Variants in BCL9 observed in about 807,000 individuals in gnomAD.
BCL9 encodes the protein B-cell CLL/lymphoma 9 protein.
A neutral mutation model predicts 88.5 loss-of-function variants in BCL9; 25 were observed. That is an observed-to-expected ratio of 0.28 (90% CI 0.21 to 0.39). The LOEUF (loss-of-function observed/expected upper bound fraction) is 0.39, where lower values mean the gene tolerates loss of function less well. Ranked by LOEUF, BCL9 falls within the 10% of genes least tolerant of loss-of-function variation. The pLI is 1.00. For missense variants in BCL9, 1,817 were observed against 1,877.8 expected, an observed-to-expected ratio of 0.97 and a Z score of 0.60; for synonymous variants, 711 against 673.3, an observed-to-expected ratio of 1.06 and a Z score of -0.87.
Position 147,611,903 on chromosome 1 carries a change from T to A in BCL9, c.53+14T>A, listed in dbSNP as rs1658023226. 6.2e-7 allele frequency: 1 copy of A among 1,612,908 alleles called. No individual in the cohort carries two copies. The highest frequency in any genetic ancestry group is 1.3e-5 in the African/African-American group (1 of 74,924). On this transcript the variant is annotated intron_variant, in intron 4 of 9. Coordinates refer to ENST00000234739, the MANE Select transcript of BCL9 (RefSeq NM_004326.4). ...AAACACACAGAGGTAAGGGCTGGGC[T>A]GGGGCCTCTTCCTGCAGCCCCTTGG...
intron 1 of BCL9, among the ~76,000 whole-genome samples, chr1:147,555,157 C>T (rs1368629612): frequency 6.6e-6 from 1 of 152,052 alleles, no homozygotes; most frequent in Non-Finnish European, 1.5e-5. Flanking sequence ...ATGCAGACCC[C>T]GAGACATAGA....
chr1:147,572,642 C>G (rs587598250), intron 1 of BCL9, among the ~76,000 whole-genome samples: 1 of 152,338 alleles, frequency 6.6e-6, no homozygotes, highest in Non-Finnish European at 1.5e-5. Flanking sequence ...TGCAGTGGCA[C>G]GATATTGGCT....
intron 6 of BCL9, 118 bp downstream of exon 6, chr1:147,614,734 A>G: frequency 8.6e-7 from 1 of 1,156,284 alleles, no homozygotes; most frequent in Non-Finnish European, 1.2e-6. Flanking sequence ...GATAAAACAT[A>G]AAACCTCCCC....
chr1:147,614,464 C>T lies in BCL9; in HGVS notation c.408C>T (p.Ser136=). ...CTGACCACATAAAGTCCCAGGATTC[C>T]CAGCACACACCACACTCGATGACCC... ...NSADHIKSQD[S]QHTPHSMTPS... is the part of the protein sequence containing the mutation. The change falls in exon 6 of 10, where the codon TCC becomes TCT. Residue 136 remains serine (S), a synonymous_variant. Transcript: ENST00000234739. 6.2e-7 allele frequency: 1 copy of T among 1,613,966 alleles called. No homozygotes were observed. The highest frequency in any genetic ancestry group is 8.5e-7 in the Non-Finnish European group (1 of 1,179,988).
intron 1 of BCL9, among the ~76,000 whole-genome samples, chr1:147,549,225 C>T (rs1298346798): frequency 1.3e-5 from 2 of 152,110 alleles, no homozygotes; most frequent in Non-Finnish European, 2.9e-5. Flanking sequence ...GATCCACCCA[C>T]CTCAACCTCC....
At chr1:147,593,522 C>G (rs1258952609) in intron 1 of BCL9, among the ~76,000 whole-genome samples, 1 of 152,166 alleles carries the variant, frequency 6.6e-6, no homozygotes, top group African/African-American at 2.4e-5. Flanking sequence ...TATTATGCCA[C>G]TTATTATAAG....
chr1:147,580,062 G>A (rs1247698543), intron 1 of BCL9, among the ~76,000 whole-genome samples: 6 of 152,092 alleles, frequency 3.9e-5, no homozygotes, highest in African/African-American at 9.7e-5. Flanking sequence ...TTGCCTAAGC[G>A]ATGTACAACA....
chr1:147,541,737 G>A lies in BCL9; in HGVS notation c.-478+63G>A, dbSNP rs56167708. The A allele has an allele frequency of 7.7e-3, 1,178 of 152,200 alleles. 13 individuals carry two copies. Among genetic ancestry groups the A allele is most frequent in the East Asian group, 0.063 (320 of 5,114 alleles). 9.4% of individuals were successfully genotyped at this position (152,200 alleles called of 1,614,324 possible). A position where few individuals can be genotyped will look rare whatever the true frequency, so the allele number is the denominator to read the frequency against. ...TGTTCGCCTGTGCCTGGAAGTGGGG[G>A]TCTCATTCCTGCGCTGCTCTGGAGG... On this transcript the variant is annotated intron_variant, in intron 1 of 9. Coordinates refer to ENST00000234739, the MANE Select transcript of BCL9 (RefSeq NM_004326.4).
At chr1:147,573,296 CA>C (rs1232595759) in intron 1 of BCL9, among the ~76,000 whole-genome samples, 2 of 152,024 alleles carry the variant, frequency 1.3e-5, no homozygotes, top group Non-Finnish European at 2.9e-5. Context: ...ACTAAAAATA[CA>C]AAAAAATTAC....
In BCL9 at chr1:147,614,506, C is replaced by A; in HGVS notation, c.450C>A (p.Ala150=). 1 of 1,613,974 alleles carries A rather than the reference C, an allele frequency of 6.2e-7. No individual in the cohort carries two copies. The highest frequency in any genetic ancestry group is 8.5e-7 in the Non-Finnish European group (1 of 1,179,960). Residue 150 remains alanine, a synonymous_variant, in exon 6 of 10, where the codon GCC becomes GCA. Transcript: ENST00000234739. ...CGATGACCCCATCAAATGCTACAGC[C>A]CCCAGGTCTTCTACCCCCTCCCATG... ...PHSMTPSNAT[A]PRSSTPSHGQ... is the part of the protein sequence containing the mutation.
At chr1:147,548,056 G>A (rs1467941736) in intron 1 of BCL9, among the ~76,000 whole-genome samples, 1 of 152,054 alleles carries the variant, frequency 6.6e-6, no homozygotes, top group Non-Finnish European at 1.5e-5. Flanking sequence ...ACCACTAATG[G>A]CATTTGAAGG....
Position 147,623,902 on chromosome 1 carries a change from C to T in BCL9, c.3224C>T (p.Pro1075Leu), listed in dbSNP as rs782547108. Residue 1075 changes from proline to leucine, a missense_variant, in exon 10 of 10, where the codon CCA becomes CTA. Transcript: ENST00000234739. ...GGTCCAAACCCCGTGGTTCCGATGC[C>T]AACCCTCAGCCCAATGGGAATGACC... ...ISGPNPVVPMPTLSPMGMTQP... is the reference protein window; with the variant it reads ...ISGPNPVVPMLTLSPMGMTQP... 6.2e-7 allele frequency: 1 copy of T among 1,614,154 alleles called. No individual in the cohort carries two copies. Among genetic ancestry groups the T allele is most frequent in the Non-Finnish European group, 8.5e-7 (1 of 1,180,032 alleles).
In BCL9 at chr1:147,597,720, C is replaced by G. The variant is rs371806954; in HGVS notation, c.-477-7057C>G. Among the ~76,000 whole-genome samples, 17 of 152,268 alleles carry G rather than the reference C, an allele frequency of 1.1e-4. No homozygotes were observed. The East Asian group carries it at 2.5e-3, about 22-fold the overall frequency. The stretch of plus-strand genomic sequence containing the variant: ...ATCCTAGTTTAAAACACATTTCTAT[C>G]CCATGTGCAATGTAGCTAAATTACC... On this transcript the variant is annotated intron_variant, in intron 1 of 9. Transcript: ENST00000234739.
chr1:147,569,797 G>A (rs1570837108), intron 1 of BCL9, among the ~76,000 whole-genome samples: 1 of 152,198 alleles, frequency 6.6e-6, no homozygotes, highest in East Asian at 1.9e-4. Context: ...TGAGAAAGAG[G>A]AGGAAGGGAT....
At chr1:147,548,979 C>CCTT (rs1654749606) in intron 1 of BCL9, among the ~76,000 whole-genome samples, 1 of 111,340 alleles carries the variant, frequency 9.0e-6, no homozygotes, top group Non-Finnish European at 1.7e-5. Flanking sequence ...TTCTTTCTTT[C>CCTT]TTTTTTTTTT....
chr1:147,553,904 G>A (rs1654994842), intron 1 of BCL9, among the ~76,000 whole-genome samples: 1 of 152,104 alleles, frequency 6.6e-6, no homozygotes, highest in African/African-American at 2.4e-5. Flanking sequence ...GAAATTTTAT[G>A]TAGACAAGTG....
intron 1 of BCL9, among the ~76,000 whole-genome samples, chr1:147,545,919 G>C (rs782103713): frequency 1.3e-5 from 2 of 152,276 alleles, no homozygotes; most frequent in South Asian, 4.2e-4. Context: ...AAGAAAATGA[G>C]GGGTGAAACT....
At chr1:147,569,751 G>A (rs1557829706) in intron 1 of BCL9, among the ~76,000 whole-genome samples, 1 of 152,176 alleles carries the variant, frequency 6.6e-6, no homozygotes, top group African/African-American at 2.4e-5. Flanking sequence ...GACTGTCATA[G>A]TGAAACAGGT....
chr1:147,571,930 T>C (rs981221494), intron 1 of BCL9, among the ~76,000 whole-genome samples: 2 of 152,136 alleles, frequency 1.3e-5, no homozygotes, highest in Admixed American at 1.3e-4. Context: ...GCACCTACTA[T>C]AAGCCAGGCC....
Sources: allele counts gnomAD v4.1 joint callset (sites outside exome capture counted in the v4.1 genomes callset), GRCh38; gene constraint gnomAD v4.1.1; transcripts MANE v1.5; gene names NCBI Gene and HGNC (gene_info 2026-07-23, HGNC 2026-07-21).